Variants in CD163 observed in about 807,000 individuals in gnomAD.
The protein encoded by CD163 is scavenger receptor cysteine-rich type 1 protein M130.
CD163 carries 64 observed loss-of-function variants against 129.2 expected under a neutral mutation model. The ratio of observed to expected loss-of-function variants is 0.50; its 90% CI spans 0.41 to 0.61. CD163 has a LOEUF of 0.61. Among genes scored for constraint, CD163 ranks in the 20% least tolerant of loss-of-function variants. The pLI, the probability that CD163 is intolerant of heterozygous loss-of-function variation, is 0.00. For synonymous variants in CD163, 446 were observed against 478.5 expected (o/e 0.93, Z 0.89); for missense variants, 1,061 against 1,377.9 (o/e 0.77, Z 3.64).
At chr12:7,475,427 G>A (rs942186476) in intron 16 of CD163, among the ~76,000 whole-genome samples, 1 of 152,130 alleles carries the variant, frequency 6.6e-6, no homozygotes, top group Non-Finnish European at 1.5e-5. Flanking sequence ...TGTAAGGCTG[G>A]TTCAACATAT....
rs1246849611 is a variant in CD163, at chr12:7,479,913, C to T, written c.3344G>A (p.Gly1115Glu). The change falls in exon 16 of 17, where the codon GGA (glycine) becomes GAA (glutamate). Residue 1115 changes from glycine to glutamate, a missense_variant and splice_region_variant. Physicochemically the swap from Gly to Glu is moderately conservative, Grantham distance 98. Coordinates refer to ENST00000432237, the MANE Select transcript of CD163 (RefSeq NM_203416.4). Reference protein sequence around the residue: ...ADDLDLMNSSGGHSEPH With the variant: ...ADDLDLMNSSEGHSEPH ...TTTTCAGTGTGGCTCAGAATGGCCT[C>T]CTTTTCCATTCCAGAAATAGGAAGA... The T allele has an allele frequency of 6.2e-7, 1 of 1,612,936 alleles. No individual in the cohort carries two copies. Among genetic ancestry groups the T allele is most frequent in the South Asian group, 1.1e-5 (1 of 90,944 alleles).
At chr12:7,479,961 C>G in intron 15 of CD163, 48 bp from the exon 16 acceptor site, 1 of 1,612,106 alleles carries the variant, frequency 6.2e-7, no homozygotes, top group Non-Finnish European at 8.5e-7. Context: ...GAAATTAGTT[C>G]AGCAGCACTG....
intron 6 of CD163, among the ~76,000 whole-genome samples, chr12:7,490,915 G>A (rs1280826568): frequency 6.6e-6 from 1 of 151,884 alleles, no homozygotes; most frequent in African/African-American, 2.4e-5. Context: ...CCTTGAGTGG[G>A]ATGGTCTTTC....
chr12:7,499,160 C>T lies in CD163; in HGVS notation c.486G>A (p.Thr162=), dbSNP rs138586891. Residue 162 remains threonine, a synonymous_variant, in exon 4 of 17, where the codon ACG becomes ACA. Coordinates refer to ENST00000432237, the MANE Select transcript of CD163 (RefSeq NM_203416.4). ...TTCCAGAACACATATTCCCTCCACGCGTCAGCCTCATTTCCAAATTGGATC... is the reference window on the plus strand; with the variant it reads ...TTCCAGAACACATATTCCCTCCACGTGTCAGCCTCATTTCCAAATTGGATC... ...SDGSNLEMRL[T]RGGNMCSGRI... 2.1e-5 allele frequency: 34 copies of T among 1,611,956 alleles called. No homozygotes were observed. Among genetic ancestry groups the T allele is most frequent in the Middle Eastern group, 1.6e-4 (1 of 6,074 alleles).
rs1488721156 is a variant in CD163 at position 7,482,708 on chromosome 12, A to G, written c.3182T>C (p.Leu1061Pro). Residue 1061 changes from leucine to proline, a missense_variant, in exon 14 of 17, where the codon CTG (leucine) becomes CCG (proline). Transcript: ENST00000432237. ...GAATAATGCGACGAAAATGGCCAAC[A>G]GAACAACCCCAAGGATCCCGACTGC... ...FIAVGILGVV[L>P]LAIFVALFFL... 5 of 1,614,216 alleles carry G rather than the reference A, an allele frequency of 3.1e-6. No individual in the cohort carries two copies. The highest frequency in any genetic ancestry group is 4.2e-6 in the Non-Finnish European group (5 of 1,180,012).
chr12:7,489,487 T>A (rs1183954375), intron 6 of CD163, among the ~76,000 whole-genome samples: 3 of 152,084 alleles, frequency 2.0e-5, no homozygotes, highest in Non-Finnish European at 4.4e-5. Context: ...TCTGTAATAA[T>A]CATGTATGCA....
At chr12:7,493,429 C>A (rs1949352061) in intron 6 of CD163, among the ~76,000 whole-genome samples, 1 of 152,142 alleles carries the variant, frequency 6.6e-6, no homozygotes, top group African/African-American at 2.4e-5. Context: ...ATACTTACTG[C>A]AGCAAATCTA....
rs1340532860 is a variant in CD163, at chr12:7,501,289, A to G, written c.307T>C (p.Trp103Arg). Residue 103 changes from tryptophan to arginine, a missense_variant, in exon 3 of 17, where the codon TGG (tryptophan) becomes CGG (arginine). Coordinates refer to ENST00000432237, the MANE Select transcript of CD163 (RefSeq NM_203416.4). ...CCAGAACCTGCACTGGAATTAGCCC[A>G]TCCAGGGGCTTTGATAGCAGTTGGA... is the stretch of plus-strand genomic sequence containing the variant. ...GCPTAIKAPG[W>R]ANSSAGSGRI... 1 of 1,614,210 alleles carries G rather than the reference A, an allele frequency of 6.2e-7. No homozygotes were observed. Among genetic ancestry groups the G allele is most frequent in the South Asian group, 1.1e-5 (1 of 91,092 alleles).
Position 7,488,729 on chromosome 12 carries a change from CT to C in CD163, c.1421-643del, listed in dbSNP as rs1423190156. 4.6e-5 allele frequency among the ~76,000 whole-genome samples: 7 copies of C among 152,260 alleles called. No individual in the cohort carries two copies. In the South Asian group the frequency reaches 1.2e-3, roughly 27 times the overall value. ...GCTAATAAATATATTTTCATCCATA[CT>C]TTTTTCTTTAATTTTAGATCCACAA... On this transcript the variant is annotated intron_variant, in intron 6 of 16. Transcript: ENST00000432237.
At chr12:7,482,529 C>G (rs971579501) in intron 14 of CD163, 114 bp downstream of exon 14, 25 of 1,212,502 alleles carry the variant, frequency 2.1e-5, no homozygotes, top group Non-Finnish European at 2.8e-5. Context: ...AGAAACTGCT[C>G]AAACCTCTTT....
chr12:7,489,104 A>G (rs935627995), intron 6 of CD163, among the ~76,000 whole-genome samples: 1 of 152,188 alleles, frequency 6.6e-6, no homozygotes, highest in African/African-American at 2.4e-5. Flanking sequence ...AAGGTCACAC[A>G]AGAAATTACT....
rs1456743624 is a variant in CD163 at position 7,502,501 on chromosome 12, G to A, written c.110C>T (p.Ala37Val). ...ACCAAGAGAACTGGTGACAAAACAGGCACTGAGAAGTAAGACCACAGTAAT... is the reference window on the plus strand; with the variant it reads ...ACCAAGAGAACTGGTGACAAAACAGACACTGAGAAGTAAGACCACAGTAAT... ...FTITVVLLLS[A>V]CFVTSSLGGT... The change falls in exon 2 of 17, where the codon GCC becomes GTC. Residue 37 changes from alanine (A) to valine (V), a missense_variant. By Grantham distance (64) the Ala-to-Val change is moderately conservative. Transcript: ENST00000432237. 5 of 1,601,372 alleles carry A rather than the reference G, an allele frequency of 3.1e-6. No homozygotes were observed. Among genetic ancestry groups the A allele is most frequent in the Admixed American group, 1.7e-5 (1 of 59,886 alleles).
At chr12:7,501,909 G>A (rs189966612) in intron 2 of CD163, among the ~76,000 whole-genome samples, 7 of 152,288 alleles carry the variant, frequency 4.6e-5, no homozygotes, top group East Asian at 1.9e-4. Flanking sequence ...TATTTCATAC[G>A]TATATGTAAA....
intron 6 of CD163, among the ~76,000 whole-genome samples, chr12:7,492,563 G>A (rs144591283): frequency 1.6e-3 from 241 of 152,086 alleles, no homozygotes; most frequent in African/African-American, 5.4e-3. Context: ...AGAATTTATT[G>A]GGCAAAGTAC....
chr12:7,484,757 G>A (rs549449853), intron 11 of CD163, among the ~76,000 whole-genome samples: 9 of 151,768 alleles, frequency 5.9e-5, no homozygotes, highest in African/African-American at 1.7e-4. Flanking sequence ...AAAGAAAAAT[G>A]GGAAGGTAAG....
chr12:7,499,089 T>C lies in CD163; in HGVS notation c.557A>G (p.Asp186Gly), dbSNP rs1949442947. The C allele has an allele frequency of 6.2e-7, 1 of 1,614,052 alleles. No homozygotes were observed. Among genetic ancestry groups the C allele is most frequent in the South Asian group, 1.1e-5 (1 of 91,092 alleles). The change falls in exon 4 of 17, where the codon GAT becomes GGT. Residue 186 changes from aspartate to glycine, a missense_variant. Coordinates refer to ENST00000432237, the MANE Select transcript of CD163 (RefSeq NM_203416.4). ...AGATGCATGATCTATGTTGAAGTTA[T>C]CATCACACACTGTTCCCCACCGTCC... Reference protein sequence around the residue: ...FQGRWGTVCDDNFNIDHASVI... With the variant: ...FQGRWGTVCDGNFNIDHASVI...
At position 7,495,192 on chromosome 12, in the gene CD163, G is replaced by A. The variant is rs767971392; in HGVS notation, c.1309C>T (p.Leu437=). The A allele has an allele frequency of 6.2e-7, 1 of 1,614,070 alleles. No homozygotes were observed. Among genetic ancestry groups the A allele is most frequent in the African/African-American group, 1.3e-5 (1 of 75,012 alleles). Residue 437 remains leucine, a synonymous_variant, in exon 6 of 17, where the codon CTG becomes TTG. Coordinates refer to ENST00000432237, the MANE Select transcript of CD163 (RefSeq NM_203416.4). ...TTTCCGTTACAGCTACTTAGAAACA[G>A]CCATGTGTTTGTTGCCTGGATTTTG... ...YSKIQATNTW[L]FLSSCNGNET...
chr12:7,481,019 C>A (rs1181779262), intron 15 of CD163, 142 bp downstream of exon 15: 7 of 1,360,712 alleles, frequency 5.1e-6, no homozygotes, highest in Non-Finnish European at 6.6e-6. Flanking sequence ...AATTTTCAGT[C>A]ATTCTTGTCC....
chr12:7,487,477 C>T lies in CD163; in HGVS notation c.1932G>A (p.Gln644=). The T allele has an allele frequency of 6.2e-7, 1 of 1,614,156 alleles. No individual in the cohort carries two copies. Among genetic ancestry groups the T allele is most frequent in the East Asian group, 2.2e-5 (1 of 44,876 alleles). ...TGCAGTGAAACATATGCCTCCAGAT[C>T]TGACCATTTCCTTTTCCAAAACGTG... ...GGARFGKGNG[Q]IWRHMFHCTG... The change falls in exon 8 of 17, where the codon CAG becomes CAA. Residue 644 remains glutamine, a synonymous_variant. Transcript: ENST00000432237. This position sits in a 1 kb window ranked among gnomAD's most constrained non-coding sequence, Gnocchi z 5.1.
Sources: gnomAD v4.1 joint callset for allele counts (sites outside exome capture counted in the v4.1 genomes callset) on GRCh38, gnomAD v4.1.1 for gene constraint, Gnocchi (gnomAD v3.1) non-coding constraint, MANE v1.5 for transcripts, NCBI Gene and HGNC (gene_info 2026-07-23, HGNC 2026-07-21) for gene names.